MSRA: variants seen among roughly 807,000 people sequenced by gnomAD.
MSRA encodes methionine sulfoxide reductase A, also known as mitochondrial peptide methionine sulfoxide reductase.
Under a neutral mutation model 31.3 loss-of-function variants are expected in MSRA, and 54 were observed. The observed-to-expected ratio is 1.73, with a 90% CI of 1.39 to 2.17. MSRA has a LOEUF of 2.17. MSRA is among the 30% of genes most tolerant of loss of function. MSRA has a pLI of 0.00. For missense variants in MSRA, 507 were observed against 300.9 expected (o/e 1.69, Z -5.07); for synonymous variants, 169 against 116.5 (o/e 1.45, Z -2.90).
At chr8:10,118,673 C>A (rs1800871626) in intron 1 of MSRA, among the ~76,000 whole-genome samples, 1 of 152,138 alleles carries the variant, frequency 6.6e-6, no homozygotes, top group South Asian at 2.1e-4. Flanking sequence ...ACCGCTGCCC[C>A]TGGCCTTGGC....
At chr8:10,306,804 A>T (rs907003192) in intron 4 of MSRA, among the ~76,000 whole-genome samples, 31 of 152,160 alleles carry the variant, frequency 2.0e-4, no homozygotes, top group African/African-American at 7.5e-4. Flanking sequence ...CACCAGGCAG[A>T]GGGTCTTCAG....
chr8:10,350,740 G>A (rs1020167739), intron 5 of MSRA, among the ~76,000 whole-genome samples: 1 of 152,210 alleles, frequency 6.6e-6, no homozygotes, highest in Non-Finnish European at 1.5e-5. Flanking sequence ...CCTTGATGGT[G>A]GCAGCACGGA....
At chr8:10,251,759 G>A (rs558782246) in intron 3 of MSRA, among the ~76,000 whole-genome samples, 2 of 151,878 alleles carry the variant, frequency 1.3e-5, no homozygotes, top group Admixed American at 1.3e-4. Context: ...AAAAGTATAG[G>A]TAATGAGAAA....
rs574943855 is a variant in MSRA at position 10,338,379 on chromosome 8, G to C, written c.543+18390G>C. 2.0e-5 allele frequency among the ~76,000 whole-genome samples: 3 copies of C among 152,308 alleles called. No individual in the cohort carries two copies. The South Asian group carries it at 6.2e-4, about 32-fold the overall frequency. On this transcript the variant is annotated intron_variant, in intron 5 of 5. Transcript: ENST00000317173. ...GGGAGGAGGAGTTGTTGGTCAAAGGGTGCAGAGTTTCAGATCCACAGGAGG... is the reference window on the plus strand; with the variant it reads ...GGGAGGAGGAGTTGTTGGTCAAAGGCTGCAGAGTTTCAGATCCACAGGAGG...
chr8:10,300,433 T>C (rs1317665845), intron 3 of MSRA, among the ~76,000 whole-genome samples: 1 of 152,056 alleles, frequency 6.6e-6, no homozygotes, highest in Non-Finnish European at 1.5e-5. Context: ...TTTTTGTCTT[T>C]TTAGTGGAGA....
chr8:10,296,269 G>C (rs189266254), intron 3 of MSRA, among the ~76,000 whole-genome samples: 11 of 152,310 alleles, frequency 7.2e-5, no homozygotes, highest in Admixed American at 5.2e-4. Flanking sequence ...TAAGAAGGAG[G>C]CGTCCTTAAA....
At chr8:10,061,023 T>C (rs969664951) in intron 1 of MSRA, among the ~76,000 whole-genome samples, 2 of 152,360 alleles carry the variant, frequency 1.3e-5, no homozygotes, top group African/African-American at 4.8e-5. Flanking sequence ...AGAATTGTTA[T>C]TTCCCCTCTT....
chr8:10,156,290 T>C (rs1467857182), intron 1 of MSRA, among the ~76,000 whole-genome samples: 3 of 152,154 alleles, frequency 2.0e-5, no homozygotes, highest in Non-Finnish European at 4.4e-5. Context: ...TGGATGATGG[T>C]ATTGAATCAC....
chr8:10,114,318 G>C (rs1033534222), intron 1 of MSRA, among the ~76,000 whole-genome samples: 12 of 152,150 alleles, frequency 7.9e-5, no homozygotes, highest in African/African-American at 2.9e-4. Flanking sequence ...GTTCTTGTGT[G>C]AATATATGTT....
chr8:10,139,613 TAC>T (rs1233103751), intron 1 of MSRA, among the ~76,000 whole-genome samples: 2 of 152,238 alleles, frequency 1.3e-5, no homozygotes, highest in Non-Finnish European at 2.9e-5. Flanking sequence ...TGTGAGAACA[TAC>T]AGTCTTTGAC....
At chr8:10,172,759 G>C (rs1435420006) in intron 1 of MSRA, among the ~76,000 whole-genome samples, 1 of 152,180 alleles carries the variant, frequency 6.6e-6, no homozygotes, top group Non-Finnish European at 1.5e-5. Flanking sequence ...CTGGGCAGCA[G>C]GGACTCAGGT....
intron 3 of MSRA, among the ~76,000 whole-genome samples, chr8:10,298,081 G>A (rs531504683): frequency 3.3e-5 from 5 of 152,288 alleles, no homozygotes; most frequent in African/African-American, 1.2e-4. Flanking sequence ...CCTCACTGTT[G>A]TGTGAAAAAA....
At chr8:10,392,060 G>A (rs1011306421) in intron 5 of MSRA, among the ~76,000 whole-genome samples, 1 of 152,156 alleles carries the variant, frequency 6.6e-6, no homozygotes, top group Non-Finnish European at 1.5e-5. Flanking sequence ...GGAAGGTTTG[G>A]TGGACCTCAG....
Position 10,054,383 on chromosome 8 carries a change from C to G in MSRA, c.-134C>G, listed in dbSNP as rs1802160541. On this transcript the variant is annotated 5_prime_UTR_variant, in exon 1 of 6. Coordinates refer to ENST00000317173, the MANE Select transcript of MSRA (RefSeq NM_012331.5). ...GGGCGGCCTCCAGCCCCGCCAGCAG[C>G]GCCCCGCGCCCGCCCGCCCGCGCCC... 1 of 811,576 alleles carries G rather than the reference C, an allele frequency of 1.2e-6. No individual in the cohort carries two copies. The highest frequency in any genetic ancestry group is 4.6e-5 in the Admixed American group (1 of 21,914). The allele number at this position is 811,576 out of a possible 1,614,324, so 50.3% of individuals were successfully genotyped here.
intron 2 of MSRA, among the ~76,000 whole-genome samples, chr8:10,238,980 T>C (rs1280140348): frequency 6.6e-6 from 1 of 152,176 alleles, no homozygotes; most frequent in Admixed American, 6.5e-5. Context: ...TATGAGGTAA[T>C]ATCTGTAATC....
intron 2 of MSRA, among the ~76,000 whole-genome samples, chr8:10,211,790 G>A (rs1412433093): frequency 2.0e-5 from 3 of 152,112 alleles, no homozygotes; most frequent in Non-Finnish European, 2.9e-5. Context: ...TAATGAAAGT[G>A]ACATTCCGTT....
At chr8:10,304,063 G>T (rs1473986492) in intron 4 of MSRA, among the ~76,000 whole-genome samples, 8 of 152,224 alleles carry the variant, frequency 5.3e-5, no homozygotes, top group African/African-American at 1.4e-4. Context: ...AGCCTCCTGA[G>T]TAGCTGGGAT....
intron 1 of MSRA, among the ~76,000 whole-genome samples, chr8:10,136,152 T>C (rs1802253830): frequency 6.6e-6 from 1 of 152,112 alleles, no homozygotes; most frequent in Non-Finnish European, 1.5e-5. Context: ...GTCAACTAAG[T>C]GATAAGGGCT....
At chr8:10,191,602 C>G (rs149743195) in intron 1 of MSRA, among the ~76,000 whole-genome samples, 229 of 152,292 alleles carry the variant, frequency 1.5e-3, no homozygotes, top group Middle Eastern at 3.4e-3. Flanking sequence ...CCTGTTTTAG[C>G]AATGCCAGCA....
Sources: allele counts gnomAD v4.1 joint callset (sites outside exome capture counted in the v4.1 genomes callset), GRCh38; gene constraint gnomAD v4.1.1; transcripts MANE v1.5; gene names NCBI Gene and HGNC (gene_info 2026-07-23, HGNC 2026-07-21).